The following ANGPTL7 variants were observed in gnomAD, a reference collection of about 807,000 sequenced individuals.
ANGPTL7 encodes the protein angiopoietin-related protein 7.
ANGPTL7 carries 37 observed loss-of-function variants against 38.8 expected under a neutral mutation model. The observed-to-expected ratio is 0.95, with a 90% CI of 0.73 to 1.25. The LOEUF (loss-of-function observed/expected upper bound fraction) is 1.25, where lower values mean the gene tolerates loss of function less well. Among genes scored for constraint, ANGPTL7 ranks in the 50% most tolerant of loss-of-function variants. The pLI, the probability that ANGPTL7 is intolerant of heterozygous loss-of-function variation, is 0.00. For synonymous variants in ANGPTL7, 166 were observed against 163.2 expected, an observed-to-expected ratio of 1.02 and a Z score of -0.13; for missense variants, 427 against 438.6, an observed-to-expected ratio of 0.97 and a Z score of 0.24.
intron 3 of ANGPTL7, among the ~76,000 whole-genome samples, chr1:11,194,209 A>T (rs780483517): frequency 6.6e-6 from 1 of 152,186 alleles, no homozygotes; most frequent in Non-Finnish European, 1.5e-5. Context: ...TGCACCTTAT[A>T]AGCAGGAAAG....
chr1:11,195,087 T>G lies in ANGPTL7; in HGVS notation c.*64T>G. The G allele has an allele frequency of 6.5e-7, 1 of 1,538,308 alleles. No homozygotes were observed. The highest frequency in any genetic ancestry group is 8.9e-7 in the Non-Finnish European group (1 of 1,124,070). On this transcript the variant is annotated 3_prime_UTR_variant, in exon 5 of 5. Transcript: ENST00000376819. ...CACGTGGAGACTGGATGAGGGCAGA[T>G]GAGGACAGGAAGAGAGTGTTAGAAA...
intron 2 of ANGPTL7, 27 bp from the exon 3 acceptor site, chr1:11,193,553 C>A: frequency 6.4e-7 from 1 of 1,552,398 alleles, no homozygotes; most frequent in Non-Finnish European, 8.7e-7. Context: ...CTGCAAGTCC[C>A]TCACCAGAGT....
Position 11,192,328 on chromosome 1 carries a change from T to G in ANGPTL7, c.435T>G (p.Tyr145Ter), listed in dbSNP as rs1270411550. ...YQKNYRISGV[Y>*]KLPPDDFLGS... ...AGAACTACCGCATCTCTGGAGTGTATAAGCTTCCTCCTGATGACTTCCTGG... is the reference window on the plus strand; with the variant it reads ...AGAACTACCGCATCTCTGGAGTGTAGAAGCTTCCTCCTGATGACTTCCTGG... Residue 145 changes from tyrosine (Y) to a stop codon, truncating the protein, a stop_gained, in exon 2 of 5, where the codon TAT (tyrosine) becomes TAG (stop). Coordinates refer to ENST00000376819, the MANE Select transcript of ANGPTL7 (RefSeq NM_021146.4). LOFTEE classifies it high-confidence loss of function. 6.2e-7 allele frequency: 1 copy of G among 1,614,106 alleles called. No homozygotes were observed. The highest frequency in any genetic ancestry group is 8.5e-7 in the Non-Finnish European group (1 of 1,180,018).
chr1:11,193,352 T>C (rs1645625932), intron 2 of ANGPTL7, among the ~76,000 whole-genome samples: 1 of 151,142 alleles, frequency 6.6e-6, no homozygotes, highest in African/African-American at 2.4e-5. Context: ...CCAAGCTTCA[T>C]GTGCACTCAC....
chr1:11,192,451 AC>A, intron 2 of ANGPTL7, 81 bp downstream of exon 2: 2 of 1,249,382 alleles, frequency 1.6e-6, no homozygotes, highest in Non-Finnish European at 2.3e-6. Context: ...AGGGCCATTC[AC>A]AGTTTAAAGA....
At chr1:11,193,547 A>C (rs765211636) in intron 2 of ANGPTL7, 33 bp from the exon 3 acceptor site, 1 of 1,545,214 alleles carries the variant, frequency 6.5e-7, no homozygotes, top group Admixed American at 2.0e-5. Context: ...CTGCCCCTGC[A>C]AGTCCCTCAC....
intron 1 of ANGPTL7, among the ~76,000 whole-genome samples, chr1:11,190,520 G>T (rs1645486096): frequency 6.6e-6 from 1 of 152,144 alleles, no homozygotes; most frequent in African/African-American, 2.4e-5. Flanking sequence ...GAAGGATGCG[G>T]CTCCTTAAGG....
intron 1 of ANGPTL7, among the ~76,000 whole-genome samples, chr1:11,191,910 C>G (rs1273955048): frequency 6.6e-6 from 1 of 152,168 alleles, no homozygotes; most frequent in Non-Finnish European, 1.5e-5. Context: ...TCTAAGAAGT[C>G]TGAATCTATC....
rs1299515069 is a variant in ANGPTL7, at chr1:11,195,283, C to T, written c.*260C>T. On this transcript the variant is annotated 3_prime_UTR_variant, in exon 5 of 5. Coordinates refer to ENST00000376819, the MANE Select transcript of ANGPTL7 (RefSeq NM_021146.4). ...GTAGACTGAGTGGGGTCTCTCTGCC[C>T]AAGATCCCTGACATAGCAGTAGCTT... The T allele has an allele frequency of 1.0e-5, 4 of 392,622 alleles. No homozygotes were observed. Among genetic ancestry groups the T allele is most frequent in the South Asian group, 6.1e-5 (1 of 16,504 alleles). The allele number at this position is 392,622 out of a possible 1,614,324, so 24.3% of individuals were successfully genotyped here. A position where few individuals can be genotyped will look rare whatever the true frequency, so the allele number is the denominator to read the frequency against.
rs946036909 is a variant in ANGPTL7, at chr1:11,192,181, G to A, written c.377-89G>A. ...GTAATTAACACCACTGAGAATCCCA[G>A]GGTAGAAATAAAGGCTCAGTCTCTA... is the stretch of plus-strand genomic sequence containing the variant. On this transcript the variant is annotated intron_variant, in intron 1 of 4. Coordinates refer to ENST00000376819, the MANE Select transcript of ANGPTL7 (RefSeq NM_021146.4). 7.3e-6 allele frequency: 7 copies of A among 960,096 alleles called. No individual in the cohort carries two copies. In the Admixed American group the frequency reaches 1.1e-4, roughly 15 times the overall value. The allele number at this position is 960,096 out of a possible 1,614,324, so 59.5% of individuals were successfully genotyped here.
rs749717564 is a variant in ANGPTL7 at position 11,189,574 on chromosome 1, C to T, written c.-6C>T. The T allele has an allele frequency of 2.6e-5, 41 of 1,589,180 alleles. 2 individuals carry two copies. The South Asian group carries it at 4.6e-4, about 18-fold the overall frequency. On this transcript the variant is annotated 5_prime_UTR_variant, in exon 1 of 5. Transcript: ENST00000376819. ...GAAGAGCCTTCCTCACCCAAACCCA[C>T]AAAAGATGCTGAAAAAGCCTCTCTC...
At chr1:11,192,830 T>C (rs1345428759) in intron 2 of ANGPTL7, among the ~76,000 whole-genome samples, 1 of 151,492 alleles carries the variant, frequency 6.6e-6, no homozygotes, top group Non-Finnish European at 1.5e-5. Context: ...ACTCAGTTTA[T>C]GCCCTGCACT....
intron 1 of ANGPTL7, among the ~76,000 whole-genome samples, chr1:11,190,299 T>A (rs904959020): frequency 6.6e-6 from 1 of 152,188 alleles, no homozygotes; most frequent in Non-Finnish European, 1.5e-5. Flanking sequence ...ACAGGCTATA[T>A]CTCAAGAAAT....
intron 2 of ANGPTL7, among the ~76,000 whole-genome samples, chr1:11,193,189 C>A (rs1645618192): frequency 6.6e-6 from 1 of 151,706 alleles, no homozygotes; most frequent in African/African-American, 2.4e-5. Context: ...TGGTGACAGG[C>A]ACTCTGGTCC....
Position 11,192,314 on chromosome 1 carries a change from A to G in ANGPTL7, c.421A>G (p.Ile141Val), listed in dbSNP as rs775034598. 3 of 1,613,952 alleles carry G rather than the reference A, an allele frequency of 1.9e-6. No homozygotes were observed. The highest frequency in any genetic ancestry group is 2.5e-6 in the Non-Finnish European group (3 of 1,180,022). Residue 141 changes from isoleucine to valine, a missense_variant, in exon 2 of 5, where the codon ATC becomes GTC. By Grantham distance (29) the Ile-to-Val change is conservative. Coordinates refer to ENST00000376819, the MANE Select transcript of ANGPTL7 (RefSeq NM_021146.4). The part of the protein sequence containing the change: ...CSSLYQKNYR[I>V]SGVYKLPPDD... The stretch of plus-strand genomic sequence containing the variant: ...TTCCCTCTACCAGAAGAACTACCGC[A>G]TCTCTGGAGTGTATAAGCTTCCTCC...
chr1:11,194,709 T>A lies in ANGPTL7; in HGVS notation c.871+50T>A, dbSNP rs1388628929. 2.5e-6 allele frequency: 4 copies of A among 1,611,884 alleles called. No individual in the cohort carries two copies. In the East Asian group the frequency reaches 8.9e-5, roughly 36 times the overall value. Reference sequence around the variant, plus strand: ...GAGAAGTTCAGGTACAAGCTCATAATCCCACTTGAGGAGAAAGAGTGAATT... The same window carrying A: ...GAGAAGTTCAGGTACAAGCTCATAAACCCACTTGAGGAGAAAGAGTGAATT... On this transcript the variant is annotated intron_variant, in intron 4 of 4. Coordinates refer to ENST00000376819, the MANE Select transcript of ANGPTL7 (RefSeq NM_021146.4).
At chr1:11,190,978 A>G (rs1645507856) in intron 1 of ANGPTL7, among the ~76,000 whole-genome samples, 1 of 152,232 alleles carries the variant, frequency 6.6e-6, no homozygotes, top group Non-Finnish European at 1.5e-5. Context: ...CTTTCTAAGC[A>G]TGGACTTCCG....
At position 11,194,965 on chromosome 1, in the gene ANGPTL7, C is replaced by T; in HGVS notation, c.983C>T (p.Ser328Phe). Reference sequence around the variant, plus strand: ...ATCACCTGGTATGGCTGGCATGGATCTACCTACTCCCTCAAACGGGTGGAG... The same window carrying T: ...ATCACCTGGTATGGCTGGCATGGATTTACCTACTCCCTCAAACGGGTGGAG... Reference protein sequence around the residue: ...DGITWYGWHGSTYSLKRVEMK... With the variant: ...DGITWYGWHGFTYSLKRVEMK... Residue 328 changes from serine to phenylalanine, a missense_variant, in exon 5 of 5, where the codon TCT (serine) becomes TTT (phenylalanine). Ser to Phe is a radical substitution (Grantham distance 155). Transcript: ENST00000376819. 1 of 1,614,092 alleles carries T rather than the reference C, an allele frequency of 6.2e-7. No homozygotes were observed. The highest frequency in any genetic ancestry group is 8.5e-7 in the Non-Finnish European group (1 of 1,180,018).
Position 11,193,567 on chromosome 1 carries a change from C to T in ANGPTL7, c.478-13C>T. 6.4e-7 allele frequency: 1 copy of T among 1,567,296 alleles called. No homozygotes were observed. Among genetic ancestry groups the T allele is most frequent in the Non-Finnish European group, 8.6e-7 (1 of 1,156,846 alleles). On this transcript the variant is annotated splice_polypyrimidine_tract_variant and intron_variant, in intron 2 of 4. Transcript: ENST00000376819. ...CCTGCAAGTCCCTCACCAGAGTATC[C>T]CCTCTGCTTCAGGTGTTCTGTGACA...
Sources: allele counts gnomAD v4.1 joint callset (sites outside exome capture counted in the v4.1 genomes callset), GRCh38; gene constraint gnomAD v4.1.1; transcripts MANE v1.5; gene names NCBI Gene and HGNC (gene_info 2026-07-23, HGNC 2026-07-21).